The following SGCZ variants were observed in gnomAD, a reference collection of about 807,000 sequenced individuals.
SGCZ encodes the protein zeta-sarcoglycan.
In SGCZ, 40 loss-of-function variants were observed where a neutral mutation model predicts 41.3. The observed-to-expected ratio is 0.97, with a 90% CI of 0.75 to 1.26. The LOEUF (loss-of-function observed/expected upper bound fraction) is 1.26, where lower values mean the gene tolerates loss of function less well. Ranked by LOEUF, SGCZ falls within the 50% of genes most tolerant of loss-of-function variation. The pLI is 0.00. For missense variants in SGCZ, 552 were observed against 369.8 expected (o/e 1.49, Z -4.04); for synonymous variants, 206 against 137.5 (o/e 1.50, Z -3.49).
chr8:14,317,175 A>T (rs1019435146), intron 3 of SGCZ, among the ~76,000 whole-genome samples: 1 of 152,084 alleles, frequency 6.6e-6, no homozygotes, highest in Non-Finnish European at 1.5e-5. Flanking sequence ...ATTTAGCGCA[A>T]TGTTTGGCTG....
At chr8:14,867,897 G>A (rs534331668) in intron 1 of SGCZ, among the ~76,000 whole-genome samples, 1 of 150,206 alleles carries the variant, frequency 6.7e-6, no homozygotes, top group South Asian at 2.1e-4. Context: ...AACTGTACTT[G>A]TGCCCCTGAA....
intron 4 of SGCZ, among the ~76,000 whole-genome samples, chr8:14,172,140 T>C (rs1293630305): frequency 1.3e-5 from 2 of 152,264 alleles, no homozygotes; most frequent in African/African-American, 4.8e-5. Flanking sequence ...TAACAAATGA[T>C]GACCTAGTGT....
chr8:14,597,096 C>T (rs896221720), intron 1 of SGCZ, among the ~76,000 whole-genome samples: 2 of 152,102 alleles, frequency 1.3e-5, no homozygotes, highest in Non-Finnish European at 2.9e-5. Flanking sequence ...CTATGAACTG[C>T]CATTCTTAGA....
intron 1 of SGCZ, among the ~76,000 whole-genome samples, chr8:15,226,801 G>A (rs1420926300): frequency 6.6e-6 from 1 of 151,922 alleles, no homozygotes; most frequent in Non-Finnish European, 1.5e-5. Flanking sequence ...TAGAAAAGGT[G>A]AGGACTTGGT....
intron 2 of SGCZ, among the ~76,000 whole-genome samples, chr8:14,333,170 T>C (rs908049311): frequency 6.6e-6 from 1 of 152,154 alleles, no homozygotes; most frequent in African/African-American, 2.4e-5. Context: ...ACATCCACTT[T>C]AACTGGAAGT....
chr8:14,886,282 G>A (rs1804802059), intron 1 of SGCZ, among the ~76,000 whole-genome samples: 1 of 151,600 alleles, frequency 6.6e-6, no homozygotes, highest in Non-Finnish European at 1.5e-5. Flanking sequence ...AGATAGCATA[G>A]AATAAACTAG....
At chr8:14,325,747 C>CATATAT (rs370021799) in intron 2 of SGCZ, among the ~76,000 whole-genome samples, 3 of 69,450 alleles carry the variant, frequency 4.3e-5, no homozygotes, top group Non-Finnish European at 6.2e-5. Flanking sequence ...CACACACACA[C>CATATAT]ATATATATAT....
intron 1 of SGCZ, among the ~76,000 whole-genome samples, chr8:15,015,726 CGTGTGTGT>C (rs60624490): frequency 0.059 from 7,328 of 125,096 alleles, 475 homozygotes; most frequent in African/African-American, 0.16. Context: ...GAAATATACA[CGTGTGTGT>C]GTGTGTGTGT....
chr8:14,101,474 T>C (rs893767217), intron 7 of SGCZ, among the ~76,000 whole-genome samples: 2 of 152,238 alleles, frequency 1.3e-5, no homozygotes, highest in Non-Finnish European at 2.9e-5. Context: ...TAATCATGTA[T>C]ACTTATCACT....
At chr8:14,466,615 G>C (rs7015019) in intron 2 of SGCZ, among the ~76,000 whole-genome samples, 13,222 of 151,540 alleles carry the variant, frequency 0.087, 1,136 homozygotes, top group African/African-American at 0.23. Flanking sequence ...TTTCCCTCAT[G>C]TTCCTTAAAT....
At chr8:15,094,323 C>A (rs781390759) in intron 1 of SGCZ, among the ~76,000 whole-genome samples, 4 of 151,956 alleles carry the variant, frequency 2.6e-5, no homozygotes, top group Non-Finnish European at 4.4e-5. Context: ...TTAGTAGAGA[C>A]TGCATTTCAC....
intron 4 of SGCZ, among the ~76,000 whole-genome samples, chr8:14,168,491 A>G (rs1269277444): frequency 6.6e-6 from 1 of 152,050 alleles, no homozygotes; most frequent in Non-Finnish European, 1.5e-5. Context: ...AGTGTGAATA[A>G]GTCTCATGAG....
chr8:14,756,108 A>T (rs958952580), intron 1 of SGCZ, among the ~76,000 whole-genome samples: 1 of 151,896 alleles, frequency 6.6e-6, no homozygotes, highest in Non-Finnish European at 1.5e-5. Context: ...AGCCAACAAT[A>T]TTGTAGAGAA....
In SGCZ at chr8:14,718,165, C is replaced by A. The variant is rs77222222; in HGVS notation, c.40-163239G>T. Among the ~76,000 whole-genome samples the A allele has an allele frequency of 9.2e-3, 1,399 of 151,934 alleles. 19 individuals are homozygous for A. Among genetic ancestry groups the A allele is most frequent in the African/African-American group, 0.032 (1,325 of 41,440 alleles). Reference sequence around the variant, plus strand: ...TGAAATACACATATGCATGCACACACACACACACAAACACACATACAAACA... The same window carrying A: ...TGAAATACACATATGCATGCACACAAACACACACAAACACACATACAAACA... On this transcript the variant is annotated intron_variant, in intron 1 of 7. Coordinates refer to ENST00000382080, the MANE Select transcript of SGCZ (RefSeq NM_139167.4).
intron 1 of SGCZ, among the ~76,000 whole-genome samples, chr8:14,706,903 A>T (rs1809348478): frequency 6.6e-6 from 1 of 151,982 alleles, no homozygotes; most frequent in African/African-American, 2.4e-5. Context: ...TAAATGTAAA[A>T]TACAGCCAGA....
chr8:15,023,917 G>C (rs561366670), intron 1 of SGCZ, among the ~76,000 whole-genome samples: 1 of 152,120 alleles, frequency 6.6e-6, no homozygotes, highest in African/African-American at 2.4e-5. Flanking sequence ...TTTCCCAGTC[G>C]GCTTTAATGA....
At chr8:15,075,168 A>G (rs1223187853) in intron 1 of SGCZ, among the ~76,000 whole-genome samples, 1 of 152,074 alleles carries the variant, frequency 6.6e-6, no homozygotes, top group Admixed American at 6.6e-5. Flanking sequence ...AGTTCAAACT[A>G]TGCAAAAGTA....
intron 2 of SGCZ, among the ~76,000 whole-genome samples, chr8:14,454,070 C>G (rs1459557136): frequency 2.0e-5 from 3 of 152,120 alleles, no homozygotes; most frequent in African/African-American, 7.2e-5. Context: ...CAGTTGCTAT[C>G]TACGATGACG....
In SGCZ at chr8:14,941,945, T is replaced by C. The variant is rs1225656882; in HGVS notation, c.39+295640A>G. Among the ~76,000 whole-genome samples the C allele has an allele frequency of 2.0e-5, 3 of 151,900 alleles. No homozygotes were observed. In the South Asian group the frequency reaches 6.2e-4, roughly 31 times the overall value. On this transcript the variant is annotated intron_variant, in intron 1 of 7. Transcript: ENST00000382080. ...GTTAAAATATATAATGTAAAATGCA[T>C]GAGTCTAATGTGAGAATTAAACACT...
Sources: allele counts gnomAD v4.1 joint callset (sites outside exome capture counted in the v4.1 genomes callset), GRCh38; gene constraint gnomAD v4.1.1; transcripts MANE v1.5; gene names NCBI Gene and HGNC (gene_info 2026-07-23, HGNC 2026-07-21).